FAM120B: variants seen among roughly 807,000 people sequenced by gnomAD.
The protein encoded by FAM120B is constitutive coactivator of peroxisome proliferator-activated receptor gamma.
In FAM120B, 83 loss-of-function variants were observed where a neutral mutation model predicts 96.3. The ratio of observed to expected loss-of-function variants is 0.86; its 90% CI spans 0.72 to 1.03. FAM120B has a LOEUF of 1.03. Among genes scored for constraint, FAM120B ranks in the 50% least tolerant of loss-of-function variants. FAM120B has a pLI of 0.00. For missense variants in FAM120B, 1,027 were observed against 1,121.2 expected, an observed-to-expected ratio of 0.92 and a Z score of 1.20; for synonymous variants, 407 against 402.7, an observed-to-expected ratio of 1.01 and a Z score of -0.13.
intron 4 of FAM120B, among the ~76,000 whole-genome samples, chr6:170,335,181 A>G (rs1562539488): frequency 6.6e-6 from 1 of 151,280 alleles, no homozygotes; most frequent in African/African-American, 2.4e-5. Context: ...TGCATTAGGT[A>G]TTTGTCCTAA....
chr6:170,364,396 T>A (rs1788647095), intron 6 of FAM120B, among the ~76,000 whole-genome samples: 1 of 152,088 alleles, frequency 6.6e-6, no homozygotes, highest in Non-Finnish European at 1.5e-5. Flanking sequence ...GAAGCCAGAG[T>A]GTCCCACTTA....
At chr6:170,324,748 C>T (rs1307026947) in intron 3 of FAM120B, among the ~76,000 whole-genome samples, 1 of 152,114 alleles carries the variant, frequency 6.6e-6, no homozygotes, top group Non-Finnish European at 1.5e-5. Context: ...TTCTTTCTCC[C>T]TCAACTTTTT....
At chr6:170,312,457 AT>A (rs2115003387) in intron 1 of FAM120B, among the ~76,000 whole-genome samples, 1 of 152,352 alleles carries the variant, frequency 6.6e-6, no homozygotes, top group African/African-American at 2.4e-5. Flanking sequence ...TAATACAATT[AT>A]AAATAAAATT....
intron 4 of FAM120B, among the ~76,000 whole-genome samples, chr6:170,332,393 T>C (rs1042545953): frequency 3.3e-5 from 5 of 152,120 alleles, no homozygotes; most frequent in African/African-American, 9.7e-5. Context: ...GAATACAACA[T>C]ACGATTAAAA....
intron 6 of FAM120B, among the ~76,000 whole-genome samples, chr6:170,376,848 C>G (rs1161986811): frequency 1.3e-5 from 2 of 152,158 alleles, no homozygotes; most frequent in Non-Finnish European, 2.9e-5. Flanking sequence ...TTCGGTAACC[C>G]CCTAGAGAAG....
chr6:170,398,670 G>A (rs369691800), intron 9 of FAM120B, among the ~76,000 whole-genome samples: 20 of 135,034 alleles, frequency 1.5e-4, no homozygotes, highest in East Asian at 2.5e-4. Flanking sequence ...AGTGAGTGGG[G>A]AAGGTAGAAC....
chr6:170,294,172 A>T (rs1027145627), upstream of FAM120B, among the ~76,000 whole-genome samples: 1 of 152,220 alleles, frequency 6.6e-6, no homozygotes, highest in Non-Finnish European at 1.5e-5. This position sits in a 1 kb window ranked among gnomAD's most constrained non-coding sequence, Gnocchi z 7.9. Flanking sequence ...GGCTTGCCTC[A>T]GTGTTGGCCC....
intron 6 of FAM120B, among the ~76,000 whole-genome samples, chr6:170,377,019 C>G (rs55812718): frequency 7.2e-6 from 1 of 138,670 alleles, no homozygotes; most frequent in African/African-American, 2.8e-5. Context: ...AACACAGGCT[C>G]ACGCTGCTCG....
At chr6:170,380,690 G>GTTTTTT (rs1789851755) in intron 6 of FAM120B, among the ~76,000 whole-genome samples, 3 of 152,112 alleles carry the variant, frequency 2.0e-5, no homozygotes, top group African/African-American at 7.2e-5. Context: ...TGTTTTAATT[G>GTTTTTT]GGTTATTTGT....
intron 1 of FAM120B, among the ~76,000 whole-genome samples, chr6:170,300,541 C>G (rs1385979878): frequency 6.6e-6 from 1 of 152,186 alleles, no homozygotes; most frequent in African/African-American, 2.4e-5. Flanking sequence ...CAACGGTCCC[C>G]CAAAGTCTTA....
intron 4 of FAM120B, among the ~76,000 whole-genome samples, chr6:170,342,034 A>G (rs541089717): frequency 1.3e-5 from 2 of 152,322 alleles, no homozygotes; most frequent in African/African-American, 2.4e-5. Context: ...AGGAGCAAGG[A>G]GAGCCAGTCC....
rs1212527916 is a variant in FAM120B, at chr6:170,404,777, G to A, written c.*26G>A. 2 of 605,134 alleles carry A rather than the reference G, an allele frequency of 3.3e-6. No homozygotes were observed. Among genetic ancestry groups the A allele is most frequent in the East Asian group, 5.6e-5 (2 of 35,722 alleles). 37.5% of individuals were successfully genotyped at this position (605,134 alleles called of 1,614,324 possible). ...GCTTCCTCCAGAAAGAGTATGGAGA[G>A]AAAAAGAGGCACACCTGGACGCAGA... On this transcript the variant is annotated 3_prime_UTR_variant, in exon 11 of 11. Transcript: ENST00000476287.
chr6:170,371,817 GCTGCAAGTCCCAA>G (rs1156614538), intron 6 of FAM120B, among the ~76,000 whole-genome samples: 1 of 152,206 alleles, frequency 6.6e-6, no homozygotes, highest in African/African-American at 2.4e-5. Context: ...GGAGGCTGCA[GCTGCAAGTCCCAA>G]GAGCAGCGCC....
At chr6:170,307,395 G>A (rs1376517103) in intron 1 of FAM120B, among the ~76,000 whole-genome samples, 1 of 152,174 alleles carries the variant, frequency 6.6e-6, no homozygotes, top group Non-Finnish European at 1.5e-5. Context: ...AGACCCGTGG[G>A]ATAACACTGA....
chr6:170,394,487 C>T (rs575482922), intron 8 of FAM120B, among the ~76,000 whole-genome samples: 16 of 147,034 alleles, frequency 1.1e-4, no homozygotes, highest in African/African-American at 3.2e-4. Context: ...CCGTGGACAC[C>T]GCAGCATGCC....
At chr6:170,328,623 A>G (rs1364950625) in intron 3 of FAM120B, among the ~76,000 whole-genome samples, 1 of 152,074 alleles carries the variant, frequency 6.6e-6, no homozygotes, top group Non-Finnish European at 1.5e-5. Flanking sequence ...TGCCCCCTTC[A>G]TGGGATTCTT....
At position 170,317,930 on chromosome 6, in the gene FAM120B, T is replaced by C. The variant is rs1785004896; in HGVS notation, c.540T>C (p.Thr180=). The change falls in exon 2 of 11, where the codon ACT becomes ACC. Residue 180 remains threonine, a synonymous_variant. Coordinates refer to ENST00000476287, the MANE Select transcript of FAM120B (RefSeq NM_032448.3). ...HNCLGILGED[T]DYLIYDTCPY... is the part of the protein sequence containing the mutation. The stretch of plus-strand genomic sequence containing the variant: ...GTCTTGGGATTCTGGGGGAAGACAC[T>C]GATTACCTAATCTATGACACTTGTC... 6.2e-7 allele frequency: 1 copy of C among 1,614,190 alleles called. No homozygotes were observed. Among genetic ancestry groups the C allele is most frequent in the Non-Finnish European group, 8.5e-7 (1 of 1,180,016 alleles).
chr6:170,371,161 C>G (rs1789163841), intron 6 of FAM120B, among the ~76,000 whole-genome samples: 1 of 152,130 alleles, frequency 6.6e-6, no homozygotes, highest in Admixed American at 6.5e-5. Flanking sequence ...GCCCCACACT[C>G]CTCAGCCCCT....
At chr6:170,316,183 T>G (rs1784890883) in intron 1 of FAM120B, among the ~76,000 whole-genome samples, 1 of 152,110 alleles carries the variant, frequency 6.6e-6, no homozygotes, top group Non-Finnish European at 1.5e-5. Flanking sequence ...TATTTACGTG[T>G]CAGGGTCGTC....
Sources: allele counts gnomAD v4.1 joint callset (sites outside exome capture counted in the v4.1 genomes callset), GRCh38; gene constraint gnomAD v4.1.1; non-coding constraint Gnocchi (gnomAD v3.1); transcripts MANE v1.5; gene names NCBI Gene and HGNC (gene_info 2026-07-23, HGNC 2026-07-21).